TRAPPC9: variants seen among roughly 807,000 people sequenced by gnomAD.
TRAPPC9 encodes the protein IKK2 binding protein.
A neutral mutation model predicts 124.0 loss-of-function variants in TRAPPC9; 83 were observed. That is an observed-to-expected ratio of 0.67 (90% confidence interval 0.56 to 0.80). The LOEUF is 0.80. Ranked by LOEUF, TRAPPC9 falls within the 30% of genes least tolerant of loss-of-function variation. The pLI, the probability that TRAPPC9 is intolerant of heterozygous loss-of-function variation, is 0.00. For synonymous variants in TRAPPC9, 638 were observed against 617.5 expected, an observed-to-expected ratio of 1.03 and a Z score of -0.49; for missense variants, 1,302 against 1,508.3, an observed-to-expected ratio of 0.86 and a Z score of 2.27.
intron 7 of TRAPPC9, among the ~76,000 whole-genome samples, chr8:140,386,517 C>T (rs1259651168): frequency 1.3e-5 from 2 of 152,136 alleles, no homozygotes; most frequent in African/African-American, 4.8e-5. Context: ...TCCTATACAC[C>T]AATAACAGAC....
intron 20 of TRAPPC9, among the ~76,000 whole-genome samples, chr8:139,892,167 C>T (rs1830394531): frequency 6.6e-6 from 1 of 152,236 alleles, no homozygotes; most frequent in Non-Finnish European, 1.5e-5. Flanking sequence ...AGCTTCAGGG[C>T]CCCGCTCCTT....
At chr8:140,445,783 G>A (rs888161022) in intron 2 of TRAPPC9, among the ~76,000 whole-genome samples, 9 of 152,228 alleles carry the variant, frequency 5.9e-5, no homozygotes, top group Admixed American at 3.3e-4. Context: ...GAAAGTGTTG[G>A]TACTTGGACC....
intron 9 of TRAPPC9, among the ~76,000 whole-genome samples, chr8:140,345,849 G>A (rs977035675): frequency 6.6e-6 from 1 of 152,212 alleles, no homozygotes; most frequent in African/African-American, 2.4e-5. Context: ...GGGAAACGGG[G>A]CTGGGGTGGA....
At chr8:140,412,979 G>A (rs1221757032) in intron 5 of TRAPPC9, among the ~76,000 whole-genome samples, 2 of 152,136 alleles carry the variant, frequency 1.3e-5, no homozygotes, top group African/African-American at 4.8e-5. Context: ...AAGGACATAG[G>A]CCATGAGCAG....
chr8:140,370,158 T>A (rs2068239584), intron 8 of TRAPPC9, among the ~76,000 whole-genome samples: 1 of 151,918 alleles, frequency 6.6e-6, no homozygotes, highest in Non-Finnish European at 1.5e-5. Flanking sequence ...GGGTTTTTTT[T>A]AGATAAGGTC....
At chr8:140,431,766 G>A (rs979578942) in intron 4 of TRAPPC9, among the ~76,000 whole-genome samples, 1 of 152,174 alleles carries the variant, frequency 6.6e-6, no homozygotes, top group Admixed American at 6.6e-5. Flanking sequence ...TCAGACACAA[G>A]CCAGCTGAAC....
At chr8:140,074,449 A>T (rs1843374507) in intron 17 of TRAPPC9, among the ~76,000 whole-genome samples, 1 of 152,200 alleles carries the variant, frequency 6.6e-6, no homozygotes, top group East Asian at 1.9e-4. Context: ...TCCAAAAGGG[A>T]GGCCACTTCA....
intron 21 of TRAPPC9, among the ~76,000 whole-genome samples, chr8:139,869,695 T>C (rs1828772448): frequency 6.6e-6 from 1 of 152,182 alleles, no homozygotes; most frequent in South Asian, 2.1e-4. Context: ...ACTTGGTAAA[T>C]TGTAAGTGGT....
intron 21 of TRAPPC9, among the ~76,000 whole-genome samples, chr8:139,868,674 T>C (rs1828701696): frequency 6.6e-6 from 1 of 152,224 alleles, no homozygotes; most frequent in Non-Finnish European, 1.5e-5. Flanking sequence ...CCCTAAAGCG[T>C]AGTAATAACA....
chr8:140,425,598 T>C (rs2132547778), intron 5 of TRAPPC9, among the ~76,000 whole-genome samples: 2 of 152,334 alleles, frequency 1.3e-5, no homozygotes, highest in Admixed American at 1.3e-4. Context: ...CTAATTCTCC[T>C]ACAACTAATG....
chr8:140,313,175 T>C (rs2066346872), intron 9 of TRAPPC9, among the ~76,000 whole-genome samples: 1 of 152,194 alleles, frequency 6.6e-6, no homozygotes, highest in Non-Finnish European at 1.5e-5. Context: ...AACCAAATCA[T>C]TCTCAATCTA....
chr8:140,338,045 C>T (rs773099911), intron 9 of TRAPPC9, among the ~76,000 whole-genome samples: 7 of 152,124 alleles, frequency 4.6e-5, no homozygotes, highest in African/African-American at 1.4e-4. Context: ...AAGGAATATG[C>T]CATTTCTTCC....
chr8:140,275,664 T>C lies in TRAPPC9; in HGVS notation c.2272A>G (p.Thr758Ala), dbSNP rs935243009. Residue 758 changes from threonine (T) to alanine (A), a missense_variant, in exon 15 of 23, where the codon ACT (threonine) becomes GCT (alanine). By Grantham distance (58) the Thr-to-Ala change is moderately conservative. Transcript: ENST00000438773. ...AGCTGCTTACAATACCTACCTTTAG[T>C]GGTGAGAACTTTCGAGGTGACCTCC... ...KLEVTSKVLT[T>A]KEKLYGDFLS... The C allele has an allele frequency of 1.2e-6, 2 of 1,614,188 alleles. No individual in the cohort carries two copies. Among genetic ancestry groups the C allele is most frequent in the Non-Finnish European group, 1.7e-6 (2 of 1,179,996 alleles).
At chr8:139,835,231 A>G (rs1189244775) in intron 21 of TRAPPC9, among the ~76,000 whole-genome samples, 1 of 152,224 alleles carries the variant, frequency 6.6e-6, no homozygotes, top group Non-Finnish European at 1.5e-5. Context: ...CCATCTGACC[A>G]GCTCCTCTGA....
Position 139,780,733 on chromosome 8 carries a change from G to A in TRAPPC9, c.3056-48531C>T, listed in dbSNP as rs940577080. Among the ~76,000 whole-genome samples, 4 of 151,920 alleles carry A rather than the reference G, an allele frequency of 2.6e-5. No homozygotes were observed. In the East Asian group the frequency reaches 5.8e-4, roughly 22 times the overall value. On this transcript the variant is annotated intron_variant, in intron 21 of 22. Transcript: ENST00000438773. ...CTGTTAAAGACACCACCAAGAGAAT[G>A]AGAAGACAAGCCGTAGCAAATATAT...
At chr8:140,206,380 A>G (rs927638212) in intron 17 of TRAPPC9, among the ~76,000 whole-genome samples, 5 of 152,122 alleles carry the variant, frequency 3.3e-5, no homozygotes, top group Non-Finnish European at 5.9e-5. Flanking sequence ...CTTGTCTTAC[A>G]ATTTTCCTGA....
intron 21 of TRAPPC9, among the ~76,000 whole-genome samples, chr8:139,824,592 G>T (rs186841006): frequency 6.6e-6 from 1 of 151,962 alleles, no homozygotes; most frequent in Admixed American, 6.6e-5. Context: ...ACAGATTCTC[G>T]CTCTTTCACC....
rs12543552 is a variant in TRAPPC9 at position 139,740,588 on chromosome 8, T to C, written c.3056-8386A>G. Reference sequence around the variant, plus strand: ...TTATTTGCAGAAGCACACTGAGGTGTAGAGAGGTGACAGGAGCTGCCTGGG... The same window carrying C: ...TTATTTGCAGAAGCACACTGAGGTGCAGAGAGGTGACAGGAGCTGCCTGGG... On this transcript the variant is annotated intron_variant, in intron 21 of 22. Transcript: ENST00000438773. Among the ~76,000 whole-genome samples, 1,053 of 152,202 alleles carry C rather than the reference T, an allele frequency of 6.9e-3. 11 individuals carry two copies. Among genetic ancestry groups the C allele is most frequent in the African/African-American group, 0.013 (530 of 41,562 alleles).
Position 140,063,651 on chromosome 8 carries a change from A to G in TRAPPC9, c.2557-39572T>C, listed in dbSNP as rs1842756775. Among the ~76,000 whole-genome samples the G allele has an allele frequency of 1.3e-5, 2 of 152,230 alleles. No individual in the cohort carries two copies. The highest frequency in any genetic ancestry group is 1.5e-5 in the Non-Finnish European group (1 of 68,050). On this transcript the variant is annotated intron_variant, in intron 17 of 22. Coordinates refer to ENST00000438773, the MANE Select transcript of TRAPPC9 (RefSeq NM_001160372.4). The surrounding 1 kb of genome is among the most constrained non-coding windows in gnomAD (Gnocchi z 4.3). ...CTAGTCACACTATAAGATTTAGTGCATACTTTTTTCCATAAAAGAATTATT... is the reference window on the plus strand; with the variant it reads ...CTAGTCACACTATAAGATTTAGTGCGTACTTTTTTCCATAAAAGAATTATT...
Sources: allele counts gnomAD v4.1 joint callset (sites outside exome capture counted in the v4.1 genomes callset), GRCh38; gene constraint gnomAD v4.1.1; non-coding constraint Gnocchi (gnomAD v3.1); transcripts MANE v1.5; gene names NCBI Gene and HGNC (gene_info 2026-07-23, HGNC 2026-07-21).